Variants in ZZEF1 observed in about 807,000 individuals in gnomAD.
ZZEF1 encodes zinc finger ZZ-type and EF-hand domain containing 1.
Under a neutral mutation model 342.8 loss-of-function variants are expected in ZZEF1, and 157 were observed. That is an observed-to-expected ratio of 0.46 (90% confidence interval 0.40 to 0.52). The LOEUF (loss-of-function observed/expected upper bound fraction) is 0.52, where lower values mean the gene tolerates loss of function less well. Among genes scored for constraint, ZZEF1 ranks in the 20% least tolerant of loss-of-function variants. The pLI, the probability that ZZEF1 is intolerant of heterozygous loss-of-function variation, is 0.00. For missense variants in ZZEF1, 3,480 were observed against 3,725.6 expected (o/e 0.93, Z 1.72); for synonymous variants, 1,505 against 1,429.1 (o/e 1.05, Z -1.20).
chr17:4,113,877 G>A (rs914475339), intron 4 of ZZEF1, among the ~76,000 whole-genome samples: 1 of 151,800 alleles, frequency 6.6e-6, no homozygotes, highest in Non-Finnish European at 1.5e-5. Flanking sequence ...ACTGAGGCAG[G>A]AGGACTGCTT....
At position 4,081,469 on chromosome 17, in the gene ZZEF1, A is replaced by G; in HGVS notation, c.2736T>C (p.Leu912=). The change falls in exon 18 of 55, where the codon CTT becomes CTC. Residue 912 remains leucine (L), a synonymous_variant. Transcript: ENST00000381638. ...GGTCGTTCTTCTCAGGTAAAAGAAGAAGGCCGCCTGGATCCTTGTCACTGA... is the reference window on the plus strand; with the variant it reads ...GGTCGTTCTTCTCAGGTAAAAGAAGGAGGCCGCCTGGATCCTTGTCACTGA... ...TYFSDKDPGG[L]LLLPEKNDLA... The G allele has an allele frequency of 6.2e-7, 1 of 1,614,100 alleles. No homozygotes were observed. Among genetic ancestry groups the G allele is most frequent in the Non-Finnish European group, 8.5e-7 (1 of 1,180,010 alleles).
At chr17:4,119,260 T>C (rs879298306) in intron 2 of ZZEF1, among the ~76,000 whole-genome samples, 3 of 152,208 alleles carry the variant, frequency 2.0e-5, no homozygotes, top group African/African-American at 7.2e-5. Context: ...CCAATATTCA[T>C]CCGTCTTCTG....
chr17:4,006,934 T>G lies in ZZEF1; in HGVS notation c.8842A>C (p.Asn2948His). The change falls in exon 55 of 55, where the codon AAC becomes CAC. Residue 2948 changes from asparagine (N) to histidine (H), a missense_variant. Asn to His is a moderately conservative substitution (Grantham distance 68, BLOSUM62 1). Coordinates refer to ENST00000381638, the MANE Select transcript of ZZEF1 (RefSeq NM_015113.4). ...AGGCGGGTGGCCTTGTTTGGGTAGTTGATGGCCAGGCTGATGGCAGCAATG... is the reference window on the plus strand; with the variant it reads ...AGGCGGGTGGCCTTGTTTGGGTAGTGGATGGCCAGGCTGATGGCAGCAATG... Reference protein sequence around the residue: ...QNIAAISLAINYPNKATRLWN... With the variant: ...QNIAAISLAIHYPNKATRLWN... 6.3e-7 allele frequency: 1 copy of G among 1,577,726 alleles called. No individual in the cohort carries two copies.
At chr17:4,050,239 G>T (rs1337679753) in intron 36 of ZZEF1, among the ~76,000 whole-genome samples, 2 of 152,208 alleles carry the variant, frequency 1.3e-5, no homozygotes, top group Admixed American at 6.5e-5. Context: ...TTACCCATGT[G>T]CTATCTCATA....
chr17:4,031,247 C>A (rs1021625460), intron 42 of ZZEF1, among the ~76,000 whole-genome samples: 4 of 151,792 alleles, frequency 2.6e-5, no homozygotes, highest in African/African-American at 9.7e-5. Context: ...ACCCAGGAGG[C>A]GGAGGTTGCA....
chr17:4,074,987 TA>T, intron 23 of ZZEF1, 109 bp downstream of exon 23: 1 of 1,079,558 alleles, frequency 9.3e-7, no homozygotes, highest in Non-Finnish European at 1.4e-6. Flanking sequence ...CACAAACGTG[TA>T]ACATAAATGC....
chr17:4,084,653 C>G (rs1010865531), intron 16 of ZZEF1, among the ~76,000 whole-genome samples: 1 of 152,132 alleles, frequency 6.6e-6, no homozygotes, highest in African/African-American at 2.4e-5. Flanking sequence ...CATTTTCATA[C>G]AGAAATACTT....
intron 8 of ZZEF1, among the ~76,000 whole-genome samples, chr17:4,104,119 T>C (rs913967068): frequency 1.3e-5 from 2 of 152,190 alleles, no homozygotes; most frequent in African/African-American, 4.8e-5. Context: ...AGTGCTCATA[T>C]GAATTACTGC....
At chr17:4,085,453 A>G (rs1225041051) in intron 16 of ZZEF1, among the ~76,000 whole-genome samples, 5 of 152,228 alleles carry the variant, frequency 3.3e-5, no homozygotes, top group African/African-American at 1.2e-4. Context: ...TCACTTTGTG[A>G]GACATCCGAT....
intron 34 of ZZEF1, 111 bp downstream of exon 34, chr17:4,053,946 A>G (rs2057102775): frequency 8.1e-7 from 1 of 1,230,504 alleles, no homozygotes; most frequent in Non-Finnish European, 1.1e-6. Flanking sequence ...AGAAAATACC[A>G]CTGGGCAGTA....
intron 52 of ZZEF1, among the ~76,000 whole-genome samples, chr17:4,011,686 T>A (rs1419012223): frequency 6.6e-6 from 1 of 152,194 alleles, no homozygotes; most frequent in African/African-American, 2.4e-5. Context: ...TATATAATAT[T>A]GGATTTTGCT....
Position 4,076,677 on chromosome 17 carries a change from A to C in ZZEF1, c.3194T>G (p.Leu1065Arg), listed in dbSNP as rs1472671709. ...LREFSVLTEL[L>R]KKLCSGPEGG... ...TTCGGGGCCACTACAGAGCTTCTTC[A>C]GGAGTTCTGTGAGGACGCTGAACTC... Residue 1065 changes from leucine to arginine, a missense_variant, in exon 21 of 55, where the codon CTG becomes CGG. This residue lies in a region of ZZEF1 where 1,528 missense variants were observed against 1,624.1 expected (regional missense o/e 0.94). Transcript: ENST00000381638. 6.2e-7 allele frequency: 1 copy of C among 1,613,206 alleles called. No homozygotes were observed. The highest frequency in any genetic ancestry group is 8.5e-7 in the Non-Finnish European group (1 of 1,179,324).
intron 43 of ZZEF1, among the ~76,000 whole-genome samples, chr17:4,023,700 T>A (rs1174511661): frequency 6.7e-6 from 1 of 149,880 alleles, no homozygotes; most frequent in Non-Finnish European, 1.5e-5. Context: ...TGATAGTGCA[T>A]GCCTGTGGTT....
At chr17:4,032,793 G>C (rs751625002) in intron 41 of ZZEF1, 35 bp downstream of exon 41, 1 of 1,607,352 alleles carries the variant, frequency 6.2e-7, no homozygotes, top group Admixed American at 1.7e-5. Context: ...GACTGGAAGG[G>C]GTGACCAGGC....
In ZZEF1 at chr17:4,023,663, A is replaced by C. The variant is rs1374366174; in HGVS notation, c.7093-835T>G. On this transcript the variant is annotated intron_variant, in intron 43 of 54. Coordinates refer to ENST00000381638, the MANE Select transcript of ZZEF1 (RefSeq NM_015113.4). Reference sequence around the variant, plus strand: ...AGCAAGACCCTGTCTCTCCAAAAAAAAAAAAAAAAAAAAAATTAACTGGGC... The same window carrying C: ...AGCAAGACCCTGTCTCTCCAAAAAACAAAAAAAAAAAAAAATTAACTGGGC... 1.3e-4 allele frequency among the ~76,000 whole-genome samples: 20 copies of C among 151,336 alleles called. No individual in the cohort carries two copies. The South Asian group carries it at 1.9e-3, about 14-fold the overall frequency.
intron 3 of ZZEF1, among the ~76,000 whole-genome samples, chr17:4,114,970 C>T (rs2058371091): frequency 6.6e-6 from 1 of 152,134 alleles, no homozygotes; most frequent in Non-Finnish European, 1.5e-5. Context: ...TATATATAAA[C>T]ATACATAGAA....
At chr17:4,076,230 C>T (rs933712457) in intron 21 of ZZEF1, 1 of 149,964 alleles carries the variant, frequency 6.7e-6, no homozygotes, top group Non-Finnish European at 1.5e-5. Flanking sequence ...CTCCCGGGTT[C>T]ACGCCATTCT....
intron 42 of ZZEF1, among the ~76,000 whole-genome samples, chr17:4,030,618 T>A (rs2056521136): frequency 6.6e-6 from 1 of 152,192 alleles, no homozygotes; most frequent in African/African-American, 2.4e-5. Context: ...TCCTCCCACA[T>A]CAGCCTCCCA....
chr17:4,118,129 G>C (rs1159663785), intron 2 of ZZEF1, among the ~76,000 whole-genome samples: 3 of 152,102 alleles, frequency 2.0e-5, no homozygotes, highest in Non-Finnish European at 2.9e-5. Context: ...TGACGGGTGG[G>C]AACCATGGGC....
Sources: gnomAD v4.1 joint callset for allele counts (sites outside exome capture counted in the v4.1 genomes callset) on GRCh38, gnomAD v4.1.1 for gene constraint, gnomAD v4.1.1 regional missense constraint, MANE v1.5 for transcripts, NCBI Gene and HGNC (gene_info 2026-07-23, HGNC 2026-07-21) for gene names.